Variants in ZNF124 observed in about 807,000 individuals in gnomAD.
ZNF124 encodes zinc finger protein HZF-16.
In ZNF124, 25 loss-of-function variants were observed where a neutral mutation model predicts 26.6. The observed-to-expected ratio is 0.94, with a 90% CI of 0.68 to 1.31. The LOEUF (loss-of-function observed/expected upper bound fraction) is 1.31, where lower values mean the gene tolerates loss of function less well. ZNF124 is among the 40% of genes most tolerant of loss of function. The pLI is 0.00. For missense variants in ZNF124, 444 were observed against 422.2 expected, an observed-to-expected ratio of 1.05 and a Z score of -0.45; for synonymous variants, 129 against 133.3, an observed-to-expected ratio of 0.97 and a Z score of 0.22.
At chr1:247,125,483 G>A (rs146307366) in intron 3 of ZNF124, among the ~76,000 whole-genome samples, 5,078 of 95,650 alleles carry the variant, frequency 0.053, 130 homozygotes, top group Middle Eastern at 0.14. Flanking sequence ...TTCCTCTTTC[G>A]CCCAGGCTGG....
chr1:247,138,095 C>T (rs1672530978), intron 3 of ZNF124: 2 of 152,074 alleles, frequency 1.3e-5, no homozygotes, highest in Non-Finnish European at 2.9e-5. Context: ...CTCAGCAATC[C>T]CATTACTGGG....
chr1:247,155,998 A>C lies in ZNF124; in HGVS notation c.*568T>G. ...AGCTCCTAAAACATCTCATTCACAT[A>C]GTGAATTTTCTTGAGAATTGTACTA... On this transcript the variant is annotated 3_prime_UTR_variant, in exon 4 of 4. Transcript: ENST00000543802. 1 of 941,338 alleles carries C rather than the reference A, an allele frequency of 1.1e-6. No individual in the cohort carries two copies. Among genetic ancestry groups the C allele is most frequent in the Non-Finnish European group, 1.3e-6 (1 of 789,774 alleles). 58.3% of individuals were successfully genotyped at this position (941,338 alleles called of 1,614,324 possible).
At chr1:247,151,336 G>T (rs111468616), downstream of ZNF124, among the ~76,000 whole-genome samples, 1 of 151,966 alleles carries the variant, frequency 6.6e-6, no homozygotes, top group African/African-American at 2.4e-5. Flanking sequence ...AAAATTAGCC[G>T]GGCGTGGTGG....
At chr1:247,148,829 G>T (rs1672853059) in intron 3 of ZNF124, among the ~76,000 whole-genome samples, 1 of 152,092 alleles carries the variant, frequency 6.6e-6, no homozygotes, top group Admixed American at 6.6e-5. Flanking sequence ...AATTAGCCAG[G>T]TGTGGTGGCG....
rs1026229849 is a variant in ZNF124 at position 247,156,219 on chromosome 1, T to C, written c.*347A>G. ...TTACCATGTGTCTCTGAGTGAGTTATAGGATAAATGAAGGCATTCTCACAT... is the reference window on the plus strand; with the variant it reads ...TTACCATGTGTCTCTGAGTGAGTTACAGGATAAATGAAGGCATTCTCACAT... On this transcript the variant is annotated 3_prime_UTR_variant, in exon 4 of 4. Coordinates refer to ENST00000543802, the MANE Select transcript of ZNF124 (RefSeq NM_001297568.2). 5 of 1,011,214 alleles carry C rather than the reference T, an allele frequency of 4.9e-6. No homozygotes were observed. Among genetic ancestry groups the C allele is most frequent in the Non-Finnish European group, 5.9e-6 (5 of 848,036 alleles). 62.6% of individuals were successfully genotyped at this position (1,011,214 alleles called of 1,614,324 possible).
chr1:247,134,115 G>A (rs1175649529), intron 3 of ZNF124, among the ~76,000 whole-genome samples: 3 of 151,966 alleles, frequency 2.0e-5, no homozygotes, highest in African/African-American at 4.8e-5. Context: ...CACTAAATAC[G>A]GAAAGAAAAA....
Position 247,156,460 on chromosome 1 carries a change from G to A in ZNF124, c.*106C>T. ...CCAGTTTGATTCGTTTCATGTATTTGAGGAAATCTGGGAAAATTAAGTACT... is the reference window on the plus strand; with the variant it reads ...CCAGTTTGATTCGTTTCATGTATTTAAGGAAATCTGGGAAAATTAAGTACT... On this transcript the variant is annotated 3_prime_UTR_variant, in exon 4 of 4. Coordinates refer to ENST00000543802, the MANE Select transcript of ZNF124 (RefSeq NM_001297568.2). 1.5e-6 allele frequency: 2 copies of A among 1,343,864 alleles called. No homozygotes were observed. Among genetic ancestry groups the A allele is most frequent in the Non-Finnish European group, 1.9e-6 (2 of 1,046,458 alleles). The allele number at this position is 1,343,864 out of a possible 1,614,324, so 83.2% of individuals were successfully genotyped here.
chr1:247,125,403 C>T (rs1672184518), intron 3 of ZNF124, among the ~76,000 whole-genome samples: 3 of 141,334 alleles, frequency 2.1e-5, no homozygotes, highest in Admixed American at 7.1e-5. Flanking sequence ...CCAATTTCTC[C>T]GTATCTTCAC....
intron 2 of ZNF124, among the ~76,000 whole-genome samples, 160 bp from the exon 3 acceptor site, chr1:247,159,226 T>G (rs1326581181): frequency 6.6e-6 from 1 of 152,252 alleles, no homozygotes; most frequent in Non-Finnish European, 1.5e-5. Flanking sequence ...GGGTACAGAT[T>G]CCTTATTAAT....
chr1:247,167,806 A>G (rs533596488), intron 1 of ZNF124, among the ~76,000 whole-genome samples: 38 of 152,332 alleles, frequency 2.5e-4, no homozygotes, highest in African/African-American at 3.4e-4. Flanking sequence ...GAAAATCTTC[A>G]CCAACTATGC....
In ZNF124 at chr1:247,157,170, T is replaced by C; in HGVS notation, c.452A>G (p.Glu151Gly). 3 of 1,613,894 alleles carry C rather than the reference T, an allele frequency of 1.9e-6. No individual in the cohort carries two copies. The highest frequency in any genetic ancestry group is 2.5e-6 in the Non-Finnish European group (3 of 1,179,868). ...TAAGGCTTTCCCACATTCCATACAT[T>C]CATAGGGTTTCTCTCCAGTGTGATT... ...QRNHTGEKPY[E>G]CMECGKALGF... Residue 151 changes from glutamate (E) to glycine (G), a missense_variant, in exon 4 of 4, where the codon GAA becomes GGA. Coordinates refer to ENST00000543802, the MANE Select transcript of ZNF124 (RefSeq NM_001297568.2).
chr1:247,151,533 C>T (rs1025702817), downstream of ZNF124, among the ~76,000 whole-genome samples: 1 of 150,276 alleles, frequency 6.7e-6, no homozygotes, highest in Non-Finnish European at 1.5e-5. Context: ...CTAGGAAATT[C>T]ACACGTTACT....
chr1:247,153,785 T>A (rs1054388026), downstream of ZNF124, among the ~76,000 whole-genome samples: 1 of 152,152 alleles, frequency 6.6e-6, no homozygotes, highest in Non-Finnish European at 1.5e-5. Context: ...GTTCATCAAG[T>A]CTTGTGGTCA....
chr1:247,143,162 T>C (rs1368403211), intron 3 of ZNF124, among the ~76,000 whole-genome samples: 1 of 152,136 alleles, frequency 6.6e-6, no homozygotes, highest in Admixed American at 6.5e-5. Flanking sequence ...ATAATTCCAG[T>C]AAATGGGCCT....
intron 3 of ZNF124, among the ~76,000 whole-genome samples, chr1:247,145,933 A>C (rs890531859): frequency 1.3e-5 from 2 of 152,182 alleles, no homozygotes; most frequent in African/African-American, 4.8e-5. Context: ...AAAGACTTGT[A>C]ATTGAGTGAC....
rs533848421 is a variant in ZNF124, at chr1:247,149,633, T to C, written c.218+9373A>G. 2.6e-5 allele frequency among the ~76,000 whole-genome samples: 4 copies of C among 152,288 alleles called. No homozygotes were observed. In the East Asian group the frequency reaches 7.7e-4, roughly 29 times the overall value. On this transcript the variant is annotated intron_variant, in intron 3 of 3. Coordinates refer to the ZNF124 transcript ENST00000472531. ...TACTTATAGATGGAGCTTAAAAACA[T>C]TGAACTCGTAGAAACAGACTACATA...
At chr1:247,141,553 A>G (rs1341767140) in intron 3 of ZNF124, among the ~76,000 whole-genome samples, 4 of 151,992 alleles carry the variant, frequency 2.6e-5, no homozygotes, top group Non-Finnish European at 4.4e-5. Flanking sequence ...TCTTCCCCAG[A>G]CCAAAGGCAG....
chr1:247,153,648 AT>A (rs541130960), downstream of ZNF124, among the ~76,000 whole-genome samples: 8 of 152,096 alleles, frequency 5.3e-5, no homozygotes, highest in Non-Finnish European at 1.0e-4. Context: ...AGTGTAGACC[AT>A]CTGTGTGATT....
Position 247,145,920 on chromosome 1 carries a change from G to C in ZNF124, c.218+13086C>G, listed in dbSNP as rs528305384. Among the ~76,000 whole-genome samples the C allele has an allele frequency of 3.9e-5, 6 of 152,332 alleles. No homozygotes were observed. The South Asian group carries it at 1.2e-3, about 32-fold the overall frequency. On this transcript the variant is annotated intron_variant, in intron 3 of 3. Coordinates refer to the ZNF124 transcript ENST00000472531. ...TTACAGGCGTGAGCCACTGCGCCCG[G>C]CCAAAGACTTGTAATTGAGTGACTG...
Sources: gnomAD v4.1 joint callset for allele counts (sites outside exome capture counted in the v4.1 genomes callset) on GRCh38, gnomAD v4.1.1 for gene constraint, MANE v1.5 for transcripts, NCBI Gene and HGNC (gene_info 2026-07-23, HGNC 2026-07-21) for gene names.